GABRB2: variants seen among roughly 807,000 people sequenced by gnomAD.
The protein encoded by GABRB2 is gamma-aminobutyric acid type A receptor subunit beta2.
A neutral mutation model predicts 54.7 loss-of-function variants in GABRB2; 16 were observed. The ratio of observed to expected loss-of-function variants is 0.29; its 90% CI spans 0.20 to 0.44. GABRB2 has a LOEUF of 0.44. Among genes scored for constraint, GABRB2 ranks in the 20% least tolerant of loss-of-function variants. GABRB2 has a pLI of 1.00. For missense variants in GABRB2, 355 were observed against 644.0 expected (o/e 0.55, Z 4.86); for synonymous variants, 244 against 233.8 (o/e 1.04, Z -0.40).
rs145077458 is a variant in GABRB2, at chr5:161,323,735, GT to G, written c.1191+2632del. 5.3e-3 allele frequency among the ~76,000 whole-genome samples: 809 copies of G among 152,250 alleles called. 14 individuals are homozygous for G. In the East Asian group the frequency reaches 0.076, roughly 14 times the overall value. ...ATCACAATTGGACCAAGTTAAACAT[GT>G]TTTCTGTTTCTTCCTCATTTGTGGG... On this transcript the variant is annotated intron_variant, in intron 9 of 9. Transcript: ENST00000393959.
At chr5:161,480,784 C>T (rs1397685763) in intron 3 of GABRB2, among the ~76,000 whole-genome samples, 1 of 151,920 alleles carries the variant, frequency 6.6e-6, no homozygotes, top group African/African-American at 2.4e-5. Context: ...CAAGTTGGGG[C>T]CATTAGTGCA....
intron 6 of GABRB2, 88 bp downstream of exon 6, chr5:161,336,544 C>T (rs1753998611): frequency 4.2e-6 from 6 of 1,435,906 alleles, no homozygotes; most frequent in Non-Finnish European, 5.7e-6. Flanking sequence ...CATGGTGCTT[C>T]CCTGGGACAG....
At chr5:161,301,650 A>T (rs913685550) in intron 9 of GABRB2, among the ~76,000 whole-genome samples, 8 of 152,192 alleles carry the variant, frequency 5.3e-5, no homozygotes, top group Admixed American at 3.3e-4. Context: ...GGGAAGAGGT[A>T]GACTGGTGAA....
At chr5:161,456,109 T>C (rs1221491965) in intron 4 of GABRB2, among the ~76,000 whole-genome samples, 2 of 152,154 alleles carry the variant, frequency 1.3e-5, no homozygotes, top group Non-Finnish European at 2.9e-5. Context: ...TCACAAGACA[T>C]TCAGCTTACA....
At chr5:161,389,201 C>A in intron 5 of GABRB2, among the ~76,000 whole-genome samples, 1 of 151,944 alleles carries the variant, frequency 6.6e-6, no homozygotes, top group East Asian at 1.9e-4. Flanking sequence ...TTTGATGCAT[C>A]CAAGTTGAGG....
chr5:161,297,746 T>C (rs1166352756), intron 9 of GABRB2, among the ~76,000 whole-genome samples: 2 of 152,142 alleles, frequency 1.3e-5, no homozygotes, highest in African/African-American at 4.8e-5. Context: ...TAAACATATG[T>C]GTGCATGTGT....
rs569443248 is a variant in GABRB2 at position 161,369,611 on chromosome 5, G to T, written c.542-32842C>A. Among the ~76,000 whole-genome samples the T allele has an allele frequency of 2.6e-5, 4 of 151,960 alleles. No homozygotes were observed. The South Asian group carries it at 8.3e-4, about 32-fold the overall frequency. ...TATTTGCATGTTAAGTTGTTTAAAT[G>T]ATCAAACTTTATTGAGAAAGAGAGA... On this transcript the variant is annotated intron_variant, in intron 5 of 9. Coordinates refer to ENST00000393959, the MANE Select transcript of GABRB2 (RefSeq NM_001371727.1).
chr5:161,521,945 T>C (rs967438030), intron 3 of GABRB2, among the ~76,000 whole-genome samples: 3 of 151,888 alleles, frequency 2.0e-5, no homozygotes, highest in African/African-American at 7.2e-5. Flanking sequence ...GACAAATATT[T>C]CCAAATGAAT....
Position 161,290,843 on chromosome 5 carries a change from T to C in GABRB2, c.*3238A>G, listed in dbSNP as rs1016488783. 3 of 152,598 alleles carry C rather than the reference T, an allele frequency of 2.0e-5. No individual in the cohort carries two copies. The highest frequency in any genetic ancestry group is 2.9e-5 in the Non-Finnish European group (2 of 68,010). The allele number at this position is 152,598 out of a possible 1,614,324, so 9.5% of individuals were successfully genotyped here. On this transcript the variant is annotated 3_prime_UTR_variant, in exon 10 of 10. Transcript: ENST00000393959. ...ATTTCCCCATTACGCATTCCACTGC[T>C]CTTTCTTTATGTGTTGTGCTTTTGT...
chr5:161,440,077 A>C (rs1254237292), intron 4 of GABRB2, among the ~76,000 whole-genome samples: 7 of 149,310 alleles, frequency 4.7e-5, no homozygotes, highest in African/African-American at 9.8e-5. Context: ...AAAAAAAAAA[A>C]AACAAAACAC....
At chr5:161,544,606 G>A (rs1760915246) in intron 3 of GABRB2, among the ~76,000 whole-genome samples, 1 of 152,222 alleles carries the variant, frequency 6.6e-6, no homozygotes, top group Non-Finnish European at 1.5e-5. Context: ...GACATGTGGT[G>A]AATGAATTGC....
At chr5:161,387,033 G>A (rs759511928) in intron 5 of GABRB2, among the ~76,000 whole-genome samples, 21 of 151,700 alleles carry the variant, frequency 1.4e-4, no homozygotes, top group Non-Finnish European at 2.5e-4. Context: ...TCTGGGGAAC[G>A]GGGGGGAGGA....
chr5:161,351,219 C>A (rs1271279720), intron 5 of GABRB2, among the ~76,000 whole-genome samples: 1 of 151,894 alleles, frequency 6.6e-6, no homozygotes, highest in Non-Finnish European at 1.5e-5. Context: ...TAGGAAATTA[C>A]AAAAGACTTT....
intron 3 of GABRB2, among the ~76,000 whole-genome samples, chr5:161,524,781 T>G (rs1367736254): frequency 6.6e-6 from 1 of 151,334 alleles, no homozygotes; most frequent in Non-Finnish European, 1.5e-5. Flanking sequence ...TTCTTTCAAT[T>G]TTACTACTAA....
intron 5 of GABRB2, among the ~76,000 whole-genome samples, chr5:161,375,742 T>A (rs1342319382): frequency 6.6e-6 from 1 of 152,184 alleles, no homozygotes; most frequent in Non-Finnish European, 1.5e-5. Flanking sequence ...AATAACATCA[T>A]ACGGTTTAAA....
chr5:161,375,992 G>C (rs912247345), intron 5 of GABRB2, among the ~76,000 whole-genome samples: 1 of 152,074 alleles, frequency 6.6e-6, no homozygotes, highest in Non-Finnish European at 1.5e-5. Context: ...TAGTCAAGAT[G>C]AAACATCTCC....
chr5:161,323,128 A>G (rs941361470), intron 9 of GABRB2, among the ~76,000 whole-genome samples: 1 of 150,904 alleles, frequency 6.6e-6, no homozygotes, highest in African/African-American at 2.4e-5. Flanking sequence ...GAGTTCAAGC[A>G]TTCTCCTGCC....
intron 4 of GABRB2, among the ~76,000 whole-genome samples, chr5:161,423,630 ATC>A (rs1001108366): frequency 2.6e-5 from 4 of 151,756 alleles, no homozygotes; most frequent in Admixed American, 1.3e-4. Context: ...AGCCATACCT[ATC>A]TCTCTCTCTC....
chr5:161,490,427 C>A (rs2113350988), intron 3 of GABRB2, among the ~76,000 whole-genome samples: 1 of 151,736 alleles, frequency 6.6e-6, no homozygotes, highest in Middle Eastern at 3.4e-3. Flanking sequence ...GAACTCAAGT[C>A]ACATAGGCAC....
Sources: gnomAD v4.1 joint callset for allele counts (sites outside exome capture counted in the v4.1 genomes callset) on GRCh38, gnomAD v4.1.1 for gene constraint, MANE v1.5 for transcripts, NCBI Gene and HGNC (gene_info 2026-07-23, HGNC 2026-07-21) for gene names.